The following GGA2 variants were observed in gnomAD, a reference collection of about 807,000 sequenced individuals.
The protein encoded by GGA2 is golgi associated, gamma adaptin ear containing, ARF binding protein 2.
Under a neutral mutation model 79.5 loss-of-function variants are expected in GGA2, and 48 were observed. That is an observed-to-expected ratio of 0.60 (90% CI 0.48 to 0.77). The LOEUF (loss-of-function observed/expected upper bound fraction) is 0.77, where lower values mean the gene tolerates loss of function less well. Among genes scored for constraint, GGA2 ranks in the 30% least tolerant of loss-of-function variants. GGA2 has a pLI of 0.00. For missense variants in GGA2, 770 were observed against 774.0 expected (o/e 0.99, Z 0.06); for synonymous variants, 317 against 302.0 (o/e 1.05, Z -0.51).
At chr16:23,498,764 T>C (rs945726637) in intron 1 of GGA2, among the ~76,000 whole-genome samples, 5 of 152,116 alleles carry the variant, frequency 3.3e-5, no homozygotes, top group Admixed American at 2.0e-4. Flanking sequence ...CTAAAGAGAA[T>C]GAAACCTTAA....
At position 23,464,142 on chromosome 16, in the gene GGA2, CTAGG is replaced by C. The variant is rs1363681077; in HGVS notation, c.*3444_*3447del. The C allele has an allele frequency of 3.3e-5, 5 of 152,148 alleles. No homozygotes were observed. Among genetic ancestry groups the C allele is most frequent in the African/African-American group, 1.2e-4 (5 of 41,424 alleles). The allele number at this position is 152,148 out of a possible 1,614,324, so 9.4% of individuals were successfully genotyped here. ...TCTGTCTCAATTTACACTATTTGTACTAGGTAATATTCACTTTTCTTTTGGTTGT... is the reference window on the plus strand; with the variant it reads ...TCTGTCTCAATTTACACTATTTGTACTAATATTCACTTTTCTTTTGGTTGT... On this transcript the variant is annotated 3_prime_UTR_variant, in exon 17 of 17. Coordinates refer to ENST00000309859, the MANE Select transcript of GGA2 (RefSeq NM_015044.4).
Position 23,479,847 on chromosome 16 carries a change from CAG to C in GGA2, c.1045_1046del (p.Leu349AspfsTer2). On this transcript the variant is annotated frameshift_variant, in exon 11 of 17. Coordinates refer to ENST00000309859, the MANE Select transcript of GGA2 (RefSeq NM_015044.4). LOFTEE classifies it high-confidence loss of function. ...NPAGCMKTCP[L>X]IDLEVDNGPA... ...GTCCATTGTCCACCTCCAAGTCAAT[CAG>C]GGGGCAGGTCTTCATGCAGCCTGCT... The C allele has an allele frequency of 1.9e-6, 3 of 1,614,136 alleles. No individual in the cohort carries two copies. The highest frequency in any genetic ancestry group is 2.5e-6 in the Non-Finnish European group (3 of 1,179,966).
chr16:23,514,308 A>T (rs1213763109), upstream of GGA2, among the ~76,000 whole-genome samples: 1 of 152,076 alleles, frequency 6.6e-6, no homozygotes, highest in Non-Finnish European at 1.5e-5. Flanking sequence ...GGATTTCACC[A>T]TGTTGGCCAA....
At chr16:23,521,505 C>T (rs980340214) in intron 1 of GGA2, among the ~76,000 whole-genome samples, 23 of 151,756 alleles carry the variant, frequency 1.5e-4, no homozygotes, top group African/African-American at 5.6e-4. Flanking sequence ...CTCAAGTGAT[C>T]CTCCTACCTT....
In GGA2 at chr16:23,498,588, C is replaced by G. The variant is rs537603496; in HGVS notation, c.92-2810G>C. ...ACAAATATGTTTACAAAAAATAAAA[C>G]AAGGAAAATAGTACCTTCCTCATGG... On this transcript the variant is annotated intron_variant, in intron 1 of 16. Coordinates refer to ENST00000309859, the MANE Select transcript of GGA2 (RefSeq NM_015044.4). 2.6e-5 allele frequency among the ~76,000 whole-genome samples: 4 copies of G among 152,194 alleles called. No individual in the cohort carries two copies. In the South Asian group the frequency reaches 8.3e-4, roughly 32 times the overall value.
At chr16:23,505,750 G>A (rs1409863426) in intron 1 of GGA2, among the ~76,000 whole-genome samples, 3 of 151,224 alleles carry the variant, frequency 2.0e-5, no homozygotes, top group East Asian at 3.9e-4. Flanking sequence ...ACTCCAAGGT[G>A]GACATAAAAC....
intron 1 of GGA2, among the ~76,000 whole-genome samples, chr16:23,509,771 C>G (rs1478306769): frequency 6.7e-6 from 1 of 149,804 alleles, no homozygotes; most frequent in African/African-American, 2.4e-5. Context: ...CACACACACA[C>G]ACACGTGTGT....
chr16:23,486,652 C>G, intron 7 of GGA2, 58 bp downstream of exon 7: 1 of 978,446 alleles, frequency 1.0e-6, no homozygotes, highest in East Asian at 2.4e-5. Context: ...CTCATATGCA[C>G]TGTCCTTCAG....
chr16:23,519,622 G>A (rs1310994450), exon 2 of GGA2: 3 of 423,836 alleles, frequency 7.1e-6, no homozygotes, highest in Admixed American at 5.3e-5. Flanking sequence ...CAACTGCAGA[G>A]ATAAAGAGAA....
Position 23,465,462 on chromosome 16 carries a change from C to T in GGA2, c.*2128G>A. ...TAAGCATAGTAGTACCACTGGGAGT[C>T]TGTCTCCTCAAAAGCAAGAATGTTC... is the stretch of plus-strand genomic sequence containing the variant. On this transcript the variant is annotated 3_prime_UTR_variant, in exon 17 of 17. Transcript: ENST00000309859. The T allele has an allele frequency of 1.4e-6, 1 of 701,692 alleles. No individual in the cohort carries two copies. The allele number at this position is 701,692 out of a possible 1,614,324, so 43.5% of individuals were successfully genotyped here.
upstream of GGA2, chr16:23,522,033 T>C (rs933581451): frequency 3.0e-6 from 1 of 332,640 alleles, no homozygotes; most frequent in Non-Finnish European, 6.0e-6. Flanking sequence ...ATAAAAAAAA[T>C]TTACTGAGAT....
chr16:23,499,714 G>A (rs1317744963), intron 1 of GGA2, among the ~76,000 whole-genome samples: 2 of 152,084 alleles, frequency 1.3e-5, no homozygotes, highest in African/African-American at 4.8e-5. Flanking sequence ...CGCCCGCCTC[G>A]GCCCCCCAAA....
At chr16:23,511,900 T>C (rs1290453328), upstream of GGA2, among the ~76,000 whole-genome samples, 1 of 152,202 alleles carries the variant, frequency 6.6e-6, no homozygotes, top group East Asian at 1.9e-4. Context: ...AACTGGCTTT[T>C]CGACCGGGGT....
Position 23,488,666 on chromosome 16 carries a change from T to A in GGA2, c.519A>T (p.Leu173Phe). ...QDPKLPVDKI[L>F]PPPSPWPKSS... ...TCTTGGGCCAGGGAGATGGTGGGGG[T>A]AAGATTTTATCCACTGGTAGTTTAG... is the stretch of plus-strand genomic sequence containing the variant. Residue 173 changes from leucine to phenylalanine, a missense_variant, in exon 6 of 17, where the codon TTA becomes TTT. By Grantham distance (22) the Leu-to-Phe change is conservative. Transcript: ENST00000309859. The A allele has an allele frequency of 6.2e-7, 1 of 1,610,420 alleles. No individual in the cohort carries two copies.
At chr16:23,486,519 G>T (rs564944068) in intron 7 of GGA2, among the ~76,000 whole-genome samples, 191 bp downstream of exon 7, 1 of 152,154 alleles carries the variant, frequency 6.6e-6, no homozygotes, top group Admixed American at 6.5e-5. Context: ...GTACGGCAGC[G>T]GGATTTCTGG....
intron 13 of GGA2, 116 bp from the exon 14 acceptor site, chr16:23,475,177 G>C (rs1280323867): frequency 7.8e-6 from 4 of 509,874 alleles, no homozygotes; most frequent in Admixed American, 3.6e-5. Context: ...CACAGAGTTA[G>C]ATGTTATATG....
upstream of GGA2, among the ~76,000 whole-genome samples, chr16:23,510,878 TGTGTGTGTGTTAGAGACTGGGTTTCACC>T (rs1373237667): frequency 1.3e-5 from 2 of 149,248 alleles, no homozygotes; most frequent in African/African-American, 5.0e-5. Context: ...GGCGTGTGTG[TGTGTGTGTGTTAGAGACTGGGTTTCACC>T]GTGTGTGTGT....
At chr16:23,483,722 C>G (rs1293059458) in intron 8 of GGA2, among the ~76,000 whole-genome samples, 2 of 151,960 alleles carry the variant, frequency 1.3e-5, no homozygotes, top group Non-Finnish European at 2.9e-5. Context: ...TCTCAGCTCA[C>G]CGCAACCTCC....
At chr16:23,471,336 A>G (rs1386856170) in intron 14 of GGA2, among the ~76,000 whole-genome samples, 2 of 152,204 alleles carry the variant, frequency 1.3e-5, no homozygotes, top group Non-Finnish European at 2.9e-5. Flanking sequence ...GAGACTTTTA[A>G]TTTAGCTAAG....
Sources: gnomAD v4.1 joint callset for allele counts (sites outside exome capture counted in the v4.1 genomes callset) on GRCh38, gnomAD v4.1.1 for gene constraint, MANE v1.5 for transcripts, NCBI Gene and HGNC (gene_info 2026-07-23, HGNC 2026-07-21) for gene names.